ERC2: variants seen among roughly 807,000 people sequenced by gnomAD.
ERC2 encodes ERC protein 2.
ERC2 carries 42 observed loss-of-function variants against 114.8 expected under a neutral mutation model. The ratio of observed to expected loss-of-function variants is 0.37; its 90% CI spans 0.29 to 0.47. The LOEUF (loss-of-function observed/expected upper bound fraction) is 0.47, where lower values mean the gene tolerates loss of function less well. ERC2 is among the 20% of genes least tolerant of loss of function. The probability of loss-of-function intolerance (pLI) is 0.99; values close to 1 mark genes in which losing one functional copy is unlikely to be tolerated. For synonymous variants in ERC2, 454 were observed against 425.5 expected, an observed-to-expected ratio of 1.07 and a Z score of -0.82; for missense variants, 939 against 1,150.7, an observed-to-expected ratio of 0.82 and a Z score of 2.66.
chr3:56,288,206 G>A (rs1375844824), intron 3 of ERC2, among the ~76,000 whole-genome samples: 2 of 152,094 alleles, frequency 1.3e-5, no homozygotes, highest in Middle Eastern at 3.2e-3. Flanking sequence ...CCTGTGCTTG[G>A]GGTACTTTCT....
At chr3:56,171,244 G>A (rs558808354) in intron 4 of ERC2, among the ~76,000 whole-genome samples, 21 of 152,216 alleles carry the variant, frequency 1.4e-4, no homozygotes, top group African/African-American at 4.6e-4. Context: ...AATTTCACAG[G>A]GGTGTAATGT....
chr3:55,665,977 A>G (rs974244582), intron 17 of ERC2, among the ~76,000 whole-genome samples: 8 of 152,326 alleles, frequency 5.3e-5, no homozygotes, highest in Non-Finnish European at 7.3e-5. Flanking sequence ...ACTCTGTTGC[A>G]TTATCCCTTA....
At chr3:56,002,848 T>C (rs942781813) in intron 10 of ERC2, among the ~76,000 whole-genome samples, 5 of 152,168 alleles carry the variant, frequency 3.3e-5, no homozygotes, top group African/African-American at 1.2e-4. Context: ...TGTTTTTCTA[T>C]AGTCTTTGGG....
chr3:55,666,302 C>G (rs1168368026), intron 17 of ERC2, among the ~76,000 whole-genome samples: 2 of 152,280 alleles, frequency 1.3e-5, no homozygotes, highest in South Asian at 4.1e-4. Flanking sequence ...ATCACCATCT[C>G]CTCCCTCTGT....
intron 2 of ERC2, among the ~76,000 whole-genome samples, chr3:56,346,550 G>T (rs2150510413): frequency 6.6e-6 from 1 of 152,284 alleles, no homozygotes; most frequent in South Asian, 2.1e-4. Context: ...GAAGGGGTCT[G>T]CAAATCTTTT....
intron 17 of ERC2, among the ~76,000 whole-genome samples, chr3:55,563,321 G>A (rs1217926893): frequency 6.7e-6 from 1 of 148,582 alleles, no homozygotes; most frequent in South Asian, 2.1e-4. Flanking sequence ...CATCCTGAGT[G>A]TCTTTCCTTT....
At chr3:56,444,559 A>T (rs1179788301) in intron 1 of ERC2, among the ~76,000 whole-genome samples, 1 of 152,240 alleles carries the variant, frequency 6.6e-6, no homozygotes, top group African/African-American at 2.4e-5. Flanking sequence ...AATAAGATAT[A>T]CAGTCATCCA....
chr3:56,456,081 TG>T (rs1465707223), intron 1 of ERC2, among the ~76,000 whole-genome samples: 3 of 152,238 alleles, frequency 2.0e-5, no homozygotes, highest in Non-Finnish European at 4.4e-5. Context: ...TTTCTCTCTT[TG>T]GTTACAAATG....
intron 2 of ERC2, among the ~76,000 whole-genome samples, chr3:56,347,617 C>G (rs998530386): frequency 6.6e-6 from 1 of 152,122 alleles, no homozygotes; most frequent in Admixed American, 6.5e-5. Flanking sequence ...CTGCCTCTTA[C>G]CAGACTTCAG....
At chr3:56,268,678 G>A (rs2053477442) in intron 3 of ERC2, among the ~76,000 whole-genome samples, 3 of 152,154 alleles carry the variant, frequency 2.0e-5, no homozygotes, top group Non-Finnish European at 2.9e-5. Flanking sequence ...ACTGGTATAA[G>A]TGACTTGACT....
chr3:56,360,494 T>C (rs1270634921), intron 2 of ERC2, among the ~76,000 whole-genome samples: 1 of 152,092 alleles, frequency 6.6e-6, no homozygotes, highest in Non-Finnish European at 1.5e-5. Flanking sequence ...GAAAACATGC[T>C]CTCCAAGGCT....
chr3:56,213,467 GA>G (rs1416296967), intron 3 of ERC2, among the ~76,000 whole-genome samples: 1 of 152,198 alleles, frequency 6.6e-6, no homozygotes, highest in East Asian at 1.9e-4. Flanking sequence ...GAGGCTGGGG[GA>G]GGGGCGCCCA....
rs552946341 is a variant in ERC2, at chr3:56,190,065, C to T, written c.1075-16545G>A. Among the ~76,000 whole-genome samples, 91 of 152,054 alleles carry T rather than the reference C, an allele frequency of 6.0e-4. 1 individual carries two copies. The highest frequency in any genetic ancestry group is 3.5e-3 in the South Asian group (17 of 4,808). On this transcript the variant is annotated intron_variant, in intron 3 of 17. Transcript: ENST00000288221. ...GCCAGGCCTCAAGTATGAGGCTAAGCGACAAAATTGTTAAGGCTGCCAGAA... is the reference window on the plus strand; with the variant it reads ...GCCAGGCCTCAAGTATGAGGCTAAGTGACAAAATTGTTAAGGCTGCCAGAA...
chr3:55,734,915 C>G lies in ERC2; in HGVS notation c.2568G>C (p.Gln856His). ...CACTGATGGCTGCAAGTAGTGCTTC[C>G]TGTCTGGTAAAATAAAGATTATTGA... is the stretch of plus-strand genomic sequence containing the variant. ...KQLEEILEMK[Q>H]EALLAAISEK... Residue 856 changes from glutamine (Q) to histidine (H), a missense_variant, in exon 15 of 18, where the codon CAG becomes CAC. Physicochemically the swap from Gln to His is conservative, Grantham distance 24. Transcript: ENST00000288221. The G allele has an allele frequency of 6.3e-7, 1 of 1,581,784 alleles. No individual in the cohort carries two copies.
chr3:55,727,949 G>T (rs528320018), intron 15 of ERC2, among the ~76,000 whole-genome samples: 45 of 152,302 alleles, frequency 3.0e-4, no homozygotes, highest in South Asian at 1.2e-3. Context: ...GTGGTCATCA[G>T]TTGACACACA....
chr3:56,263,360 T>C (rs1201245243), intron 3 of ERC2, among the ~76,000 whole-genome samples: 1 of 135,112 alleles, frequency 7.4e-6, no homozygotes, highest in Non-Finnish European at 1.6e-5. Context: ...ACAGTGAAAT[T>C]AAAAAAAAAA....
At chr3:56,014,958 A>G (rs968914173) in intron 8 of ERC2, among the ~76,000 whole-genome samples, 1 of 152,240 alleles carries the variant, frequency 6.6e-6, no homozygotes, top group African/African-American at 2.4e-5. Flanking sequence ...AAGTCATCTT[A>G]TTAAATATTC....
intron 1 of ERC2, among the ~76,000 whole-genome samples, chr3:56,466,877 T>C (rs931130585): frequency 6.6e-6 from 1 of 152,204 alleles, no homozygotes; most frequent in Admixed American, 6.5e-5. Flanking sequence ...GTACATGTTG[T>C]CTCTTATAAA....
At chr3:56,349,644 C>T (rs953563636) in intron 2 of ERC2, among the ~76,000 whole-genome samples, 10 of 152,198 alleles carry the variant, frequency 6.6e-5, no homozygotes, top group East Asian at 1.9e-4. Context: ...GCGTGGCTCA[C>T]GCCTGTAATC....
Sources: allele counts gnomAD v4.1 joint callset (sites outside exome capture counted in the v4.1 genomes callset), GRCh38; gene constraint gnomAD v4.1.1; transcripts MANE v1.5; gene names NCBI Gene and HGNC (gene_info 2026-07-23, HGNC 2026-07-21).